SSH2: variants seen among roughly 807,000 people sequenced by gnomAD.
SSH2 encodes the protein protein phosphatase Slingshot homolog 2.
SSH2 carries 37 observed loss-of-function variants against 135.2 expected under a neutral mutation model. That is an observed-to-expected ratio of 0.27 (90% CI 0.21 to 0.36). The LOEUF (loss-of-function observed/expected upper bound fraction) is 0.36, where lower values mean the gene tolerates loss of function less well. Among genes scored for constraint, SSH2 ranks in the 10% least tolerant of loss-of-function variants. The pLI, the probability that SSH2 is intolerant of heterozygous loss-of-function variation, is 1.00. For missense variants in SSH2, 1,408 were observed against 1,765.3 expected, an observed-to-expected ratio of 0.80 and a Z score of 3.63; for synonymous variants, 628 against 646.2, an observed-to-expected ratio of 0.97 and a Z score of 0.43.
chr17:29,761,048 C>T (rs1567955984), intron 3 of SSH2: 4 of 1,201,868 alleles, frequency 3.3e-6, no homozygotes, highest in Non-Finnish European at 4.4e-6. Flanking sequence ...GCGCGCTCGC[C>T]CTCGCTTGAT....
chr17:29,914,628 T>C, intron 1 of SSH2, among the ~76,000 whole-genome samples: 1 of 151,260 alleles, frequency 6.6e-6, no homozygotes, highest in East Asian at 1.9e-4. Context: ...CAAACATTAA[T>C]AATTTAAATG....
chr17:29,739,366 C>T (rs2040481607), intron 3 of SSH2, among the ~76,000 whole-genome samples: 1 of 152,200 alleles, frequency 6.6e-6, no homozygotes, highest in Non-Finnish European at 1.5e-5. Context: ...TTCTCAACAA[C>T]AGCCCCTGCC....
intron 2 of SSH2, among the ~76,000 whole-genome samples, chr17:29,835,841 G>A (rs186772291): frequency 3.3e-5 from 5 of 151,744 alleles, no homozygotes; most frequent in Admixed American, 1.3e-4. Flanking sequence ...TTAGCTAGGC[G>A]TGGTGGTGGG....
intron 3 of SSH2, among the ~76,000 whole-genome samples, chr17:29,769,885 A>G (rs1019127574): frequency 2.6e-5 from 4 of 151,902 alleles, no homozygotes; most frequent in African/African-American, 9.7e-5. Flanking sequence ...TAACTTTTAC[A>G]CTAATTCCCT....
chr17:29,886,344 G>T (rs1599142727), intron 1 of SSH2, among the ~76,000 whole-genome samples: 1 of 152,182 alleles, frequency 6.6e-6, no homozygotes, highest in South Asian at 2.1e-4. Flanking sequence ...GTGGCATTTT[G>T]CCCCTGCCAT....
intron 3 of SSH2, among the ~76,000 whole-genome samples, chr17:29,735,254 C>A (rs1396526727): frequency 1.3e-5 from 2 of 152,094 alleles, no homozygotes; most frequent in African/African-American, 4.8e-5. Context: ...CCCACTACTA[C>A]CCCTCACTTT....
chr17:29,731,765 G>T (rs540053348), intron 3 of SSH2, among the ~76,000 whole-genome samples: 1 of 152,222 alleles, frequency 6.6e-6, no homozygotes, highest in African/African-American at 2.4e-5. Context: ...GCCTCTAAAG[G>T]TTATGTCACA....
In SSH2 at chr17:29,757,779, G is replaced by T. The variant is rs1156280506; in HGVS notation, c.188+36115C>A. ...GAGAATTGCTTGAACCCAGTGGCAGGGGTGGGGGGTGGGGTGGGGGGCCGG... is the reference window on the plus strand; with the variant it reads ...GAGAATTGCTTGAACCCAGTGGCAGTGGTGGGGGGTGGGGTGGGGGGCCGG... On this transcript the variant is annotated intron_variant, in intron 3 of 15. Coordinates refer to ENST00000540801, the MANE Select transcript of SSH2 (RefSeq NM_001282129.2). Among the ~76,000 whole-genome samples the T allele has an allele frequency of 1.3e-3, 186 of 138,860 alleles. 1 individual carries two copies. The highest frequency in any genetic ancestry group is 4.6e-3 in the African/African-American group (177 of 38,370). The allele number at this position is 138,860 out of a possible 152,430, so 91.1% of individuals were successfully genotyped here.
chr17:29,633,932 G>A (rs1195224523), intron 15 of SSH2, among the ~76,000 whole-genome samples: 1 of 152,210 alleles, frequency 6.6e-6, no homozygotes, highest in Non-Finnish European at 1.5e-5. Flanking sequence ...AACAAGGTCA[G>A]TAATGCCTTT....
At chr17:29,820,608 A>C (rs2042635181) in intron 2 of SSH2, among the ~76,000 whole-genome samples, 1 of 152,232 alleles carries the variant, frequency 6.6e-6, no homozygotes, top group African/African-American at 2.4e-5. Context: ...CTCTTATGCT[A>C]TCTACAGTAA....
chr17:29,769,963 A>G (rs1028988421), intron 3 of SSH2, among the ~76,000 whole-genome samples: 3 of 152,166 alleles, frequency 2.0e-5, no homozygotes, highest in African/African-American at 7.2e-5. Context: ...TCTAGCCTAC[A>G]GATCCACCAT....
At chr17:29,793,677 T>A in intron 3 of SSH2, 1 of 430,540 alleles carries the variant, frequency 2.3e-6, no homozygotes, top group Non-Finnish European at 4.3e-6. Flanking sequence ...ATACGTTGTC[T>A]CAAACTCCTG....
intron 14 of SSH2, among the ~76,000 whole-genome samples, chr17:29,641,075 A>G (rs2036141108): frequency 6.6e-6 from 1 of 151,982 alleles, no homozygotes. Flanking sequence ...ATGCCTGGCT[A>G]ATTTTTGTAT....
rs563888629 is a variant in SSH2, at chr17:29,634,701, C to T, written c.2262+1267G>A. 7.6e-4 allele frequency among the ~76,000 whole-genome samples: 116 copies of T among 152,102 alleles called. 1 individual carries two copies. The highest frequency in any genetic ancestry group is 1.7e-3 in the African/African-American group (72 of 41,480). Reference sequence around the variant, plus strand: ...CCAGGTAGCTGGGACTACAGGTGCGCGCCACCACGCCCAGCTCATTTTTGT... The same window carrying T: ...CCAGGTAGCTGGGACTACAGGTGCGTGCCACCACGCCCAGCTCATTTTTGT... On this transcript the variant is annotated intron_variant, in intron 15 of 15. Transcript: ENST00000540801.
intron 3 of SSH2, among the ~76,000 whole-genome samples, chr17:29,731,338 T>C (rs1280231566): frequency 6.6e-6 from 1 of 152,114 alleles, no homozygotes; most frequent in East Asian, 1.9e-4. Flanking sequence ...AAAAGCACTC[T>C]ATTAAAGATG....
chr17:29,853,540 T>C (rs1278228882), intron 1 of SSH2, among the ~76,000 whole-genome samples: 2 of 151,860 alleles, frequency 1.3e-5, no homozygotes, highest in African/African-American at 4.9e-5. Context: ...TCTCTTTTCT[T>C]TATTTTCTTC....
intron 2 of SSH2, among the ~76,000 whole-genome samples, chr17:29,820,095 C>T (rs2042626944): frequency 6.6e-6 from 1 of 152,006 alleles, no homozygotes; most frequent in Non-Finnish European, 1.5e-5. Flanking sequence ...TTCTATTTTA[C>T]GTGAACCAGT....
At chr17:29,761,466 G>A (rs2151256096) in intron 3 of SSH2, 1 of 994,372 alleles carries the variant, frequency 1.0e-6, no homozygotes, top group Non-Finnish European at 1.2e-6. Flanking sequence ...CCCCACCCGC[G>A]TCCGGGGCGG....
rs371966725 is a variant in SSH2 at position 29,671,967 on chromosome 17, G to C, written c.777C>G (p.His259Gln). ...TGAAGAGAGCTGGAGAGTCGGGCCG[G>C]TGGGACTGTACATCTTGCATTGCAT... Reference protein sequence around the residue: ...EWNAMQDVQSHRPDSPALFTD... With the variant: ...EWNAMQDVQSQRPDSPALFTD... Residue 259 changes from histidine (H) to glutamine (Q), a missense_variant, in exon 9 of 16, where the codon CAC (histidine) becomes CAG (glutamine). His to Gln is a conservative substitution (Grantham distance 24, BLOSUM62 0). Transcript: ENST00000540801. The C allele has an allele frequency of 5.8e-5, 93 of 1,613,866 alleles. No homozygotes were observed. The highest frequency in any genetic ancestry group is 7.5e-5 in the Non-Finnish European group (88 of 1,179,922).
Sources: gnomAD v4.1 joint callset for allele counts (sites outside exome capture counted in the v4.1 genomes callset) on GRCh38, gnomAD v4.1.1 for gene constraint, MANE v1.5 for transcripts, NCBI Gene and HGNC (gene_info 2026-07-23, HGNC 2026-07-21) for gene names.